ORC4: variants seen among roughly 807,000 people sequenced by gnomAD.
ORC4 encodes origin recognition complex subunit 4, also known as origin recognition complex, subunit 4 homolog.
In ORC4, 55 loss-of-function variants were observed where a neutral mutation model predicts 63.9. The observed-to-expected ratio is 0.86, with a 90% CI of 0.69 to 1.08. The LOEUF is 1.08. ORC4 is among the 50% of genes least tolerant of loss of function. The pLI is 0.00. For synonymous variants in ORC4, 150 were observed against 168.5 expected, an observed-to-expected ratio of 0.89 and a Z score of 0.85; for missense variants, 511 against 504.4, an observed-to-expected ratio of 1.01 and a Z score of -0.13.
rs1354304492 is a variant in ORC4 at position 148,003,794 on chromosome 2, T to C, written c.-18+16839A>G. Among the ~76,000 whole-genome samples, 5 of 152,276 alleles carry C rather than the reference T, an allele frequency of 3.3e-5. 1 individual carries two copies. The highest frequency in any genetic ancestry group is 2.6e-4 in the Admixed American group (4 of 15,300). On this transcript the variant is annotated intron_variant, in intron 1 of 13. Transcript: ENST00000392857. Reference sequence around the variant, plus strand: ...GGCAAGAGAAAGAAATAAAAGGTATTTGAATAGGAAGAGAGGAAGTCAAAT... The same window carrying C: ...GGCAAGAGAAAGAAATAAAAGGTATCTGAATAGGAAGAGAGGAAGTCAAAT...
At chr2:147,998,028 C>G (rs28412834) in intron 1 of ORC4, among the ~76,000 whole-genome samples, 8,925 of 152,004 alleles carry the variant, frequency 0.059, 857 homozygotes, top group African/African-American at 0.2. Flanking sequence ...AGCTGAAACC[C>G]AGCTTTTTAG....
chr2:147,958,964 A>T lies in ORC4; in HGVS notation c.226-98T>A. On this transcript the variant is annotated intron_variant, in intron 4 of 13. Transcript: ENST00000392857. The stretch of plus-strand genomic sequence containing the variant: ...AAGCAGTAAGAACAGAATATAAATA[A>T]ATTGACCTCTTTAACAAGTAAGTTT... 4.9e-6 allele frequency: 3 copies of T among 616,136 alleles called. No individual in the cohort carries two copies. The South Asian group carries it at 6.0e-5, about 12-fold the overall frequency. 38.2% of individuals were successfully genotyped at this position (616,136 alleles called of 1,614,324 possible).
chr2:148,000,358 A>G (rs1272712123), intron 1 of ORC4, among the ~76,000 whole-genome samples: 2 of 152,182 alleles, frequency 1.3e-5, no homozygotes, highest in African/African-American at 4.8e-5. Flanking sequence ...CAGAGGAGAC[A>G]AAAGTGATCT....
chr2:147,972,594 A>C, intron 4 of ORC4, 145 bp downstream of exon 4: 1 of 462,188 alleles, frequency 2.2e-6, no homozygotes, highest in Non-Finnish European at 3.7e-6. Context: ...TTAAAAAAGA[A>C]AAAAACAAAA....
In ORC4 at chr2:148,003,627, A is replaced by T. The variant is rs187829534; in HGVS notation, c.-18+17006T>A. On this transcript the variant is annotated intron_variant, in intron 1 of 13. Transcript: ENST00000392857. ...AACGTATCTCAAAATAATAAGAGCT[A>T]TTTATGACAAACCCACGGCCAATAT... Among the ~76,000 whole-genome samples, 4 of 152,328 alleles carry T rather than the reference A, an allele frequency of 2.6e-5. No homozygotes were observed. The East Asian group carries it at 5.8e-4, about 22-fold the overall frequency.
At chr2:148,012,966 G>A (rs1023829398) in intron 1 of ORC4, among the ~76,000 whole-genome samples, 3 of 152,162 alleles carry the variant, frequency 2.0e-5, no homozygotes, top group African/African-American at 7.2e-5. Context: ...TGTGGAGAAA[G>A]GGGAACCCTT....
intron 1 of ORC4, among the ~76,000 whole-genome samples, chr2:147,991,354 A>G (rs1344416874): frequency 6.6e-6 from 1 of 152,010 alleles, no homozygotes; most frequent in African/African-American, 2.4e-5. Flanking sequence ...CCATACATAT[A>G]TATCTTTTAA....
chr2:147,974,823 A>C (rs1481613338), intron 2 of ORC4, among the ~76,000 whole-genome samples: 1 of 151,318 alleles, frequency 6.6e-6, no homozygotes, highest in African/African-American at 2.4e-5. Context: ...AAAAAAAAAA[A>C]AAACCCAGAA....
chr2:147,993,327 G>C (rs1287154009), intron 1 of ORC4, among the ~76,000 whole-genome samples: 2 of 151,994 alleles, frequency 1.3e-5, no homozygotes, highest in Middle Eastern at 3.4e-3. Context: ...ACTCCAGTAA[G>C]TTAATTAGTA....
intron 1 of ORC4, among the ~76,000 whole-genome samples, chr2:147,993,397 T>C (rs1471170862): frequency 6.6e-6 from 1 of 152,126 alleles, no homozygotes; most frequent in Non-Finnish European, 1.5e-5. Context: ...TAGAGATAAA[T>C]TATTTAAGAA....
intron 2 of ORC4, among the ~76,000 whole-genome samples, chr2:147,974,756 G>A (rs1690437277): frequency 6.8e-6 from 1 of 147,108 alleles, no homozygotes. Flanking sequence ...TAATCATAAT[G>A]TGTATTCCTC....
At chr2:147,969,292 T>C (rs950744641) in intron 4 of ORC4, among the ~76,000 whole-genome samples, 2 of 152,046 alleles carry the variant, frequency 1.3e-5, no homozygotes, top group African/African-American at 4.8e-5. Flanking sequence ...ATACTGGATG[T>C]TCCCCACATA....
intron 1 of ORC4, among the ~76,000 whole-genome samples, chr2:147,983,973 A>G (rs989592416): frequency 6.6e-6 from 1 of 152,218 alleles, no homozygotes. Flanking sequence ...ACAAACTGAC[A>G]TTAGACAATC....
intron 1 of ORC4, among the ~76,000 whole-genome samples, chr2:147,987,411 CAA>C (rs1553458418): frequency 5.4e-4 from 79 of 146,616 alleles, no homozygotes; most frequent in East Asian, 1.2e-3. Flanking sequence ...CACACACACA[CAA>C]AAAGTAACAT....
chr2:148,015,939 T>G (rs536956776), intron 1 of ORC4, among the ~76,000 whole-genome samples: 37 of 152,216 alleles, frequency 2.4e-4, no homozygotes, highest in Middle Eastern at 6.8e-3. Flanking sequence ...CCACTGGAAG[T>G]TGACAACAAC....
intron 2 of ORC4, among the ~76,000 whole-genome samples, chr2:147,974,897 G>A (rs1690451488): frequency 1.3e-5 from 2 of 150,476 alleles, no homozygotes; most frequent in African/African-American, 4.9e-5. Flanking sequence ...TAAAGCTACA[G>A]TGACTAGTCA....
At chr2:147,955,840 A>C (rs1166602476) in intron 6 of ORC4, among the ~76,000 whole-genome samples, 1 of 152,038 alleles carries the variant, frequency 6.6e-6, no homozygotes, top group African/African-American at 2.4e-5. Context: ...CTGGTAAAGA[A>C]ATAACCATGA....
intron 4 of ORC4, among the ~76,000 whole-genome samples, chr2:147,966,987 C>T (rs752899024): frequency 6.6e-6 from 1 of 152,094 alleles, no homozygotes; most frequent in Non-Finnish European, 1.5e-5. Context: ...AAAGATCATT[C>T]ACCATGATCA....
rs868656412 is a variant in ORC4, at chr2:147,935,443, G to A, written c.*67C>T. ...AGAATGTTTAGCATATCATGTTAAT[G>A]GACAATAGTTTTCCGTTCTCTACAG... On this transcript the variant is annotated 3_prime_UTR_variant, in exon 14 of 14. Coordinates refer to ENST00000392857, the MANE Select transcript of ORC4 (RefSeq NM_181741.4). 7.5e-5 allele frequency: 87 copies of A among 1,166,128 alleles called. No homozygotes were observed. The highest frequency in any genetic ancestry group is 5.8e-4 in the Middle Eastern group (3 of 5,182). 72.2% of individuals were successfully genotyped at this position (1,166,128 alleles called of 1,614,324 possible).
Sources: gnomAD v4.1 joint callset for allele counts (sites outside exome capture counted in the v4.1 genomes callset) on GRCh38, gnomAD v4.1.1 for gene constraint, MANE v1.5 for transcripts, NCBI Gene and HGNC (gene_info 2026-07-23, HGNC 2026-07-21) for gene names.